The following TAFA2 variants were observed in gnomAD, a reference collection of about 807,000 sequenced individuals.
The protein encoded by TAFA2 is TAFA chemokine like family member 2.
TAFA2 carries 7 observed loss-of-function variants against 18.8 expected under a neutral mutation model. The observed-to-expected ratio is 0.37, with a 90% CI of 0.21 to 0.70. The LOEUF is 0.70. Among genes scored for constraint, TAFA2 ranks in the 30% least tolerant of loss-of-function variants. TAFA2 has a pLI of 0.53. For missense variants in TAFA2, 122 were observed against 158.1 expected (o/e 0.77, Z 1.23); for synonymous variants, 60 against 54.2 (o/e 1.11, Z -0.47).
intron 1 of TAFA2, among the ~76,000 whole-genome samples, chr12:61,955,635 AT>A (rs1878659765): frequency 1.3e-3 from 16 of 12,460 alleles, no homozygotes; most frequent in East Asian, 6.4e-3. Context: ...AAAAAAAAAT[AT>A]ATATATATAT....
At chr12:62,006,474 A>G (rs1211043949) in intron 1 of TAFA2, among the ~76,000 whole-genome samples, 1 of 152,144 alleles carries the variant, frequency 6.6e-6, no homozygotes, top group Non-Finnish European at 1.5e-5. Flanking sequence ...ATAATTATAT[A>G]TAATATCATA....
At chr12:61,986,450 C>CA (rs1337749488) in intron 1 of TAFA2, among the ~76,000 whole-genome samples, 1 of 151,516 alleles carries the variant, frequency 6.6e-6, no homozygotes, top group Non-Finnish European at 1.5e-5. Context: ...AGGCATGCAC[C>CA]ACCACACCCA....
At chr12:62,108,224 G>T (rs552294652) in intron 1 of TAFA2, among the ~76,000 whole-genome samples, 56 of 152,096 alleles carry the variant, frequency 3.7e-4, no homozygotes, top group African/African-American at 1.2e-3. Flanking sequence ...ACTTATGAGT[G>T]AGAACATGCG....
At chr12:61,941,119 A>T (rs566873763) in intron 1 of TAFA2, among the ~76,000 whole-genome samples, 1 of 152,308 alleles carries the variant, frequency 6.6e-6, no homozygotes, top group African/African-American at 2.4e-5. Context: ...AATACAGATC[A>T]TATATTTGTG....
Position 61,840,502 on chromosome 12 carries a change from T to G in TAFA2, c.106+26818A>C, listed in dbSNP as rs538985351. Among the ~76,000 whole-genome samples the G allele has an allele frequency of 2.2e-3, 340 of 152,162 alleles. 1 individual carries two copies. Among genetic ancestry groups the G allele is most frequent in the Non-Finnish European group, 3.9e-3 (268 of 67,966 alleles). Reference sequence around the variant, plus strand: ...CTTGACAAATCTTCTTTTAATTTTATGTACATGTTAATTTTCAATGATATA... The same window carrying G: ...CTTGACAAATCTTCTTTTAATTTTAGGTACATGTTAATTTTCAATGATATA... On this transcript the variant is annotated intron_variant, in intron 2 of 4. Transcript: ENST00000416284.
intron 1 of TAFA2, among the ~76,000 whole-genome samples, chr12:61,899,051 T>C (rs999383528): frequency 6.6e-6 from 1 of 152,200 alleles, no homozygotes; most frequent in African/African-American, 2.4e-5. Context: ...AAGAGTCACC[T>C]TTACTCCAGT....
chr12:62,202,106 T>C (rs1409256840), intron 1 of TAFA2, among the ~76,000 whole-genome samples: 1 of 152,144 alleles, frequency 6.6e-6, no homozygotes. Context: ...GATTTTTTAT[T>C]GTGTCTATTT....
rs566642654 is a variant in TAFA2, at chr12:62,079,331, G to A, written c.-2+111928C>T. Among the ~76,000 whole-genome samples, 4 of 152,094 alleles carry A rather than the reference G, an allele frequency of 2.6e-5. No individual in the cohort carries two copies. In the South Asian group the frequency reaches 8.3e-4, roughly 32 times the overall value. On this transcript the variant is annotated intron_variant, in intron 1 of 4. Coordinates refer to ENST00000416284, the MANE Select transcript of TAFA2 (RefSeq NM_178539.5). ...GTTGATATTCCTGATAGGCCTCTGG[G>A]ACTGTAGACAACACTGTGGCTTGAT...
At chr12:61,773,302 A>G (rs1870112064) in intron 2 of TAFA2, among the ~76,000 whole-genome samples, 1 of 152,018 alleles carries the variant, frequency 6.6e-6, no homozygotes, top group African/African-American at 2.4e-5. Flanking sequence ...CACAAATTCA[A>G]TGCAATTCCC....
intron 1 of TAFA2, among the ~76,000 whole-genome samples, chr12:62,189,053 A>G (rs1401988180): frequency 2.6e-5 from 4 of 152,220 alleles, no homozygotes; most frequent in African/African-American, 9.6e-5. Context: ...GTAGCATTAT[A>G]TAGGCATTTG....
chr12:62,247,642 TG>T (rs1296481079), intron 1 of TAFA2, among the ~76,000 whole-genome samples: 1 of 152,220 alleles, frequency 6.6e-6, no homozygotes, highest in Non-Finnish European at 1.5e-5. Context: ...TTACGTAGAA[TG>T]TGACTTCACA....
chr12:62,157,817 C>A (rs1010508302), intron 1 of TAFA2, among the ~76,000 whole-genome samples: 48 of 152,182 alleles, frequency 3.2e-4, no homozygotes, highest in Admixed American at 2.2e-3. Flanking sequence ...TCTGTCATAT[C>A]TTAACTGGGT....
intron 1 of TAFA2, among the ~76,000 whole-genome samples, chr12:62,126,499 A>AT (rs1439875536): frequency 4.6e-5 from 7 of 152,030 alleles, no homozygotes; most frequent in Non-Finnish European, 1.0e-4. Flanking sequence ...TAATAAAGAT[A>AT]TTTTTTCTTT....
intron 2 of TAFA2, among the ~76,000 whole-genome samples, chr12:61,847,184 G>T (rs1335004538): frequency 6.6e-6 from 1 of 152,108 alleles, no homozygotes; most frequent in Non-Finnish European, 1.5e-5. Flanking sequence ...TTCTGCTGTT[G>T]TGATTATACA....
Position 62,083,638 on chromosome 12 carries a change from A to G in TAFA2, c.-2+107621T>C, listed in dbSNP as rs572712303. Among the ~76,000 whole-genome samples, 4 of 152,300 alleles carry G rather than the reference A, an allele frequency of 2.6e-5. No individual in the cohort carries two copies. In the East Asian group the frequency reaches 7.7e-4, roughly 29 times the overall value. On this transcript the variant is annotated intron_variant, in intron 1 of 4. Transcript: ENST00000416284. ...GACATGAACATCATTTACAAATAAA[A>G]TTTTATTCTGCCATTAAGAAATTTG...
At chr12:62,071,825 C>T (rs1312230218) in intron 1 of TAFA2, among the ~76,000 whole-genome samples, 1 of 152,090 alleles carries the variant, frequency 6.6e-6, no homozygotes, top group Non-Finnish European at 1.5e-5. Flanking sequence ...TAGTGTCATC[C>T]TGAGATGAAA....
chr12:61,896,317 G>C (rs1282722724), intron 1 of TAFA2, among the ~76,000 whole-genome samples: 2 of 152,092 alleles, frequency 1.3e-5, no homozygotes, highest in African/African-American at 4.8e-5. Context: ...GCAGTCAAAA[G>C]CACAAATTAA....
chr12:61,971,158 C>G (rs1204030283), intron 1 of TAFA2, among the ~76,000 whole-genome samples: 1 of 151,518 alleles, frequency 6.6e-6, no homozygotes, highest in African/African-American at 2.4e-5. Context: ...ATTTGAAAAT[C>G]ACACAGGAAA....
At chr12:62,002,671 C>T (rs1880417235) in intron 1 of TAFA2, among the ~76,000 whole-genome samples, 1 of 152,142 alleles carries the variant, frequency 6.6e-6, no homozygotes, top group South Asian at 2.1e-4. Context: ...TAATTTTTGG[C>T]TATTTCAATT....
Sources: gnomAD v4.1 joint callset for allele counts (sites outside exome capture counted in the v4.1 genomes callset) on GRCh38, gnomAD v4.1.1 for gene constraint, MANE v1.5 for transcripts, NCBI Gene and HGNC (gene_info 2026-07-23, HGNC 2026-07-21) for gene names.